The following PGCKA1 variants were observed in gnomAD, a reference collection of about 807,000 sequenced individuals.
The protein encoded by PGCKA1 is PDCD10 and GCKIII kinases associated 1.
the PGCKA1 span, chr4:37,588,621 C>T: frequency 4.0e-6 from 2 of 499,124 alleles, no homozygotes; most frequent in Non-Finnish European, 7.2e-6. Context: ...AAAGGTCTGA[C>T]ACAGAGGCAA....
the PGCKA1 span, among the ~76,000 whole-genome samples, chr4:37,552,999 C>T: frequency 0.01 from 1,536 of 152,242 alleles, 28 homozygotes; most frequent in African/African-American, 0.035. Flanking sequence ...CTGTCCTCTC[C>T]GCCTAATTAA....
chr4:37,573,358 A>G, the PGCKA1 span, among the ~76,000 whole-genome samples: 1 of 152,212 alleles, frequency 6.6e-6, no homozygotes. Flanking sequence ...TTTTACAGAC[A>G]AGGACTCTGT....
the PGCKA1 span, among the ~76,000 whole-genome samples, chr4:37,555,845 T>G: frequency 6.6e-6 from 1 of 152,168 alleles, no homozygotes; most frequent in Admixed American, 6.5e-5. Context: ...TCAAATCATA[T>G]GGTTCTGCCT....
At chr4:37,486,258 T>C in the PGCKA1 span, among the ~76,000 whole-genome samples, 2 of 152,082 alleles carry the variant, frequency 1.3e-5, no homozygotes, top group Non-Finnish European at 2.9e-5. Context: ...TTTTCCCTGA[T>C]CTCTTCTCAC....
the PGCKA1 span, among the ~76,000 whole-genome samples, chr4:37,460,086 G>A: frequency 3.9e-5 from 6 of 152,210 alleles, no homozygotes; most frequent in South Asian, 8.3e-4. Flanking sequence ...AACATGTGGT[G>A]TTTGGTTTTC....
the PGCKA1 span, among the ~76,000 whole-genome samples, chr4:37,508,625 T>C: frequency 6.6e-6 from 1 of 150,736 alleles, no homozygotes; most frequent in African/African-American, 2.4e-5. Context: ...GTGAATATTA[T>C]TGTGTTTGCT....
At chr4:37,470,616 G>T in the PGCKA1 span, among the ~76,000 whole-genome samples, 2 of 152,228 alleles carry the variant, frequency 1.3e-5, no homozygotes, top group African/African-American at 4.8e-5. Flanking sequence ...CTGAAAGTCG[G>T]GTTTAAGAGA....
At chr4:37,488,848 C>T in the PGCKA1 span, among the ~76,000 whole-genome samples, 1 of 152,158 alleles carries the variant, frequency 6.6e-6, no homozygotes, top group African/African-American at 2.4e-5. Context: ...CCAGTGTAAA[C>T]CTCCCTTAGT....
At chr4:37,458,651 G>A in the PGCKA1 span, among the ~76,000 whole-genome samples, 2 of 152,174 alleles carry the variant, frequency 1.3e-5, no homozygotes, top group African/African-American at 4.8e-5. Flanking sequence ...TTGCAAGAGA[G>A]AATGGAAGCA....
chr4:37,560,131 G>T, the PGCKA1 span, among the ~76,000 whole-genome samples: 6 of 152,120 alleles, frequency 3.9e-5, no homozygotes, highest in African/African-American at 9.7e-5. Context: ...CCACATCCTG[G>T]ACCATGTCCT....
chr4:37,533,804 C>T, the PGCKA1 span, among the ~76,000 whole-genome samples: 4 of 152,276 alleles, frequency 2.6e-5, no homozygotes, highest in African/African-American at 7.2e-5. Context: ...AATCTATGTT[C>T]GCAAAGTCTT....
At chr4:37,486,353 C>T in the PGCKA1 span, among the ~76,000 whole-genome samples, 1 of 152,088 alleles carries the variant, frequency 6.6e-6, no homozygotes, top group Non-Finnish European at 1.5e-5. Flanking sequence ...CACACAAAAC[C>T]AAGTCAATCC....
the PGCKA1 span, among the ~76,000 whole-genome samples, chr4:37,557,602 G>A: frequency 6.6e-6 from 1 of 152,130 alleles, no homozygotes; most frequent in African/African-American, 2.4e-5. Context: ...ATCCCCAGAG[G>A]GTCCTGCCTC....
At chr4:37,509,381 G>T in the PGCKA1 span, among the ~76,000 whole-genome samples, 2 of 141,074 alleles carry the variant, frequency 1.4e-5, no homozygotes, top group East Asian at 4.1e-4. Flanking sequence ...CAGGGCAGAG[G>T]CGTTCCTCAC....
At chr4:37,467,605 C>G in the PGCKA1 span, among the ~76,000 whole-genome samples, 3 of 152,136 alleles carry the variant, frequency 2.0e-5, no homozygotes, top group Admixed American at 2.0e-4. Flanking sequence ...ATGGGGTGGC[C>G]AAAGTCACAT....
the PGCKA1 span, among the ~76,000 whole-genome samples, chr4:37,528,583 G>A: frequency 2.0e-5 from 3 of 152,060 alleles, no homozygotes; most frequent in Non-Finnish European, 4.4e-5. Flanking sequence ...GGCACTAGGT[G>A]GGTTTTAAAA....
At chr4:37,498,498 A>G in the PGCKA1 span, among the ~76,000 whole-genome samples, 6 of 152,170 alleles carry the variant, frequency 3.9e-5, no homozygotes, top group Non-Finnish European at 7.3e-5. Flanking sequence ...TTTTGGCAGT[A>G]TGGTCATTTC....
At chr4:37,474,077 A>C in the PGCKA1 span, among the ~76,000 whole-genome samples, 4 of 152,038 alleles carry the variant, frequency 2.6e-5, no homozygotes, top group African/African-American at 9.7e-5. Flanking sequence ...GTGTCCCCCA[A>C]ATTTCATGTG....
At chr4:37,566,246 T>C in the PGCKA1 span, among the ~76,000 whole-genome samples, 5 of 151,952 alleles carry the variant, frequency 3.3e-5, no homozygotes, top group African/African-American at 4.8e-5. Flanking sequence ...TGGGCCATAA[T>C]TTTTGTTTCT....
Sources: allele counts gnomAD v4.1 joint callset (sites outside exome capture counted in the v4.1 genomes callset), GRCh38; gene constraint gnomAD v4.1.1; transcripts MANE v1.5; gene names NCBI Gene and HGNC (gene_info 2026-07-23, HGNC 2026-07-21).